Variants in LRP2 observed in about 807,000 individuals in gnomAD.
The protein encoded by LRP2 is low-density lipoprotein receptor-related protein 2.
A neutral mutation model predicts 531.0 loss-of-function variants in LRP2; 172 were observed. The ratio of observed to expected loss-of-function variants is 0.32; its 90% CI spans 0.29 to 0.37. LRP2 has a LOEUF of 0.37. Ranked by LOEUF, LRP2 falls within the 10% of genes least tolerant of loss-of-function variation. LRP2 has a pLI of 1.00. For missense variants in LRP2, 5,167 were observed against 5,868.3 expected (o/e 0.88, Z 3.90); for synonymous variants, 1,992 against 2,027.6 (o/e 0.98, Z 0.47).
intron 59 of LRP2, 111 bp downstream of exon 59, chr2:169,170,440 T>C (rs961072402): frequency 1.2e-6 from 1 of 824,196 alleles, no homozygotes; most frequent in African/African-American, 1.7e-5. Flanking sequence ...GGTTTACATA[T>C]TACACATATA....
At chr2:169,288,278 G>A (rs10754970) in intron 9 of LRP2, among the ~76,000 whole-genome samples, 57,248 of 151,978 alleles carry the variant, frequency 0.38, 11,741 homozygotes, top group South Asian at 0.55. Flanking sequence ...ATAAGGCCCC[G>A]TCCTAATCAC....
intron 1 of LRP2, among the ~76,000 whole-genome samples, chr2:169,328,459 A>AG (rs1574263335): frequency 1.6e-5 from 2 of 128,086 alleles, no homozygotes; most frequent in East Asian, 3.9e-4. Context: ...AAAAAAAAAA[A>AG]AAAAAGAAAA....
At chr2:169,155,202 T>C (rs1686287418) in intron 65 of LRP2, among the ~76,000 whole-genome samples, 1 of 152,186 alleles carries the variant, frequency 6.6e-6, no homozygotes, top group African/African-American at 2.4e-5. Flanking sequence ...ATTTGTTAAG[T>C]TTAATTTACT....
chr2:169,277,027 T>A (rs1462949179), intron 13 of LRP2, among the ~76,000 whole-genome samples: 1 of 151,854 alleles, frequency 6.6e-6, no homozygotes, highest in East Asian at 1.9e-4. Context: ...AAATTTTATC[T>A]CTACTAAAAA....
rs774660468 is a variant in LRP2 at position 169,206,444 on chromosome 2, A to G, written c.7276T>C (p.Tyr2426His). The G allele has an allele frequency of 1.2e-6, 2 of 1,613,634 alleles. No homozygotes were observed. The highest frequency in any genetic ancestry group is 4.5e-5 in the East Asian group (2 of 44,872). ...NVERTVMSLDYDSVSDRIYFT... is the reference protein window; with the variant it reads ...NVERTVMSLDHDSVSDRIYFT... Reference sequence around the variant, plus strand: ...TAGATTCTATCACTTACACTGTCATAGTCTAGAGACATGACAGTTCTTTCC... The same window carrying G: ...TAGATTCTATCACTTACACTGTCATGGTCTAGAGACATGACAGTTCTTTCC... The change falls in exon 39 of 79, where the codon TAT (tyrosine) becomes CAT (histidine). Residue 2426 changes from tyrosine to histidine, a missense_variant. Transcript: ENST00000649046.
intron 1 of LRP2, among the ~76,000 whole-genome samples, chr2:169,326,178 CTCCCCTCT>C (rs1685050182): frequency 3.2e-5 from 1 of 30,896 alleles, no homozygotes; most frequent in Non-Finnish European, 6.9e-5. Flanking sequence ...CCCTCCCCCT[CTCCCCTCT>C]CCCCTCTCCC....
chr2:169,182,641 G>A lies in LRP2; in HGVS notation c.9846-322C>T, dbSNP rs565117675. 4.1e-6 allele frequency: 4 copies of A among 985,212 alleles called. No homozygotes were observed. In the Admixed American group the frequency reaches 1.8e-4, roughly 45 times the overall value. The allele number at this position is 985,212 out of a possible 1,614,324, so 61.0% of individuals were successfully genotyped here. On this transcript the variant is annotated intron_variant, in intron 50 of 78. Coordinates refer to ENST00000649046, the MANE Select transcript of LRP2 (RefSeq NM_004525.3). The stretch of plus-strand genomic sequence containing the variant: ...CCTCTCCAGGCAGTGCAAAGGCTTA[G>A]CAGAACAGGGAAGCAGAGGTGAGTA...
intron 2 of LRP2, among the ~76,000 whole-genome samples, chr2:169,319,247 G>A (rs1684848322): frequency 6.6e-6 from 1 of 152,136 alleles, no homozygotes; most frequent in South Asian, 2.1e-4. Flanking sequence ...TAATAGTAAA[G>A]TATCATGATG....
Position 169,146,714 on chromosome 2 carries a change from T to C in LRP2, c.12811+25A>G, listed in dbSNP as rs541915322. The stretch of plus-strand genomic sequence containing the variant: ...AAATATGTTAATTATTAATTTAATA[T>C]ATTACTTTCTAACTAATTTCTAACC... On this transcript the variant is annotated intron_variant, in intron 69 of 78. Coordinates refer to ENST00000649046, the MANE Select transcript of LRP2 (RefSeq NM_004525.3). 5 of 1,512,000 alleles carry C rather than the reference T, an allele frequency of 3.3e-6. No individual in the cohort carries two copies. In the South Asian group the frequency reaches 5.6e-5, roughly 17 times the overall value. 93.7% of individuals were successfully genotyped at this position (1,512,000 alleles called of 1,614,324 possible).
chr2:169,147,644 C>A (rs1294057615), intron 68 of LRP2, among the ~76,000 whole-genome samples: 1 of 152,136 alleles, frequency 6.6e-6, no homozygotes, highest in African/African-American at 2.4e-5. Flanking sequence ...CTTTTGCATC[C>A]AATTAATAAT....
At position 169,205,103 on chromosome 2, in the gene LRP2, A is replaced by G. The variant is rs1304949986; in HGVS notation, c.7715+376T>C. ...ATGCTAAAGCCCAGAAAAAAACATA[A>G]TATCAATTGGCATTTAAAAGTCATT... On this transcript the variant is annotated intron_variant, in intron 41 of 78. Coordinates refer to ENST00000649046, the MANE Select transcript of LRP2 (RefSeq NM_004525.3). Among the ~76,000 whole-genome samples the G allele has an allele frequency of 3.3e-5, 5 of 152,278 alleles. No homozygotes were observed. In the South Asian group the frequency reaches 1.0e-3, roughly 32 times the overall value.
In LRP2 at chr2:169,216,392, A is replaced by T. The variant is rs764521560; in HGVS notation, c.5687T>A (p.Val1896Asp). Residue 1896 changes from valine to aspartate, a missense_variant, in exon 35 of 79, where the codon GTT becomes GAT. Physicochemically the swap from Val to Asp is radical, Grantham distance 152 (BLOSUM62 -3). Transcript: ENST00000649046. ...GTTAGCACTGGCGATCTTGGCAGGA[A>T]CCCCACTGTCAGTTCCTTGGTCTGA... The part of the protein sequence containing the change: ...YWSDQGTDSG[V>D]PAKIASANMD... 4 of 1,613,578 alleles carry T rather than the reference A, an allele frequency of 2.5e-6. No homozygotes were observed. In the South Asian group the frequency reaches 4.4e-5, roughly 18 times the overall value.
chr2:169,194,731 T>C (rs1476400891), intron 46 of LRP2, among the ~76,000 whole-genome samples: 1 of 148,456 alleles, frequency 6.7e-6, no homozygotes, highest in Non-Finnish European at 1.5e-5. Context: ...TTTTTTTTTT[T>C]TTTTTTTGGA....
chr2:169,333,569 A>T (rs1382618863), intron 1 of LRP2, among the ~76,000 whole-genome samples: 2 of 152,190 alleles, frequency 1.3e-5, no homozygotes, highest in Non-Finnish European at 2.9e-5. Context: ...TCCTACAATC[A>T]AAAATTGTAA....
chr2:169,222,087 A>T (rs1230442245), intron 33 of LRP2, among the ~76,000 whole-genome samples: 3 of 152,230 alleles, frequency 2.0e-5, no homozygotes, highest in Non-Finnish European at 4.4e-5. Context: ...AGGTAAACAG[A>T]AAGTGAATAC....
intron 1 of LRP2, among the ~76,000 whole-genome samples, chr2:169,328,422 C>T (rs1436451047): frequency 1.9e-5 from 2 of 105,090 alleles, no homozygotes; most frequent in Non-Finnish European, 3.5e-5. Flanking sequence ...CCCAACAGCT[C>T]ATTGAGAACG....
At chr2:169,155,390 C>T (rs1312667556) in intron 65 of LRP2, among the ~76,000 whole-genome samples, 1 of 152,130 alleles carries the variant, frequency 6.6e-6, no homozygotes. Context: ...TGTTCAAATG[C>T]TTTCACTCTA....
chr2:169,160,498 G>T (rs1422914196), intron 63 of LRP2, among the ~76,000 whole-genome samples: 1 of 151,638 alleles, frequency 6.6e-6, no homozygotes, highest in African/African-American at 2.4e-5. Flanking sequence ...AGAAGAGGAG[G>T]AAGGAGAAAA....
chr2:169,194,652 A>G (rs752230568), intron 46 of LRP2, among the ~76,000 whole-genome samples: 1 of 152,148 alleles, frequency 6.6e-6, no homozygotes, highest in African/African-American at 2.4e-5. Context: ...AGCCTATATC[A>G]TAACAGTAAC....
Sources: gnomAD v4.1 joint callset for allele counts (sites outside exome capture counted in the v4.1 genomes callset) on GRCh38, gnomAD v4.1.1 for gene constraint, MANE v1.5 for transcripts, NCBI Gene and HGNC (gene_info 2026-07-23, HGNC 2026-07-21) for gene names.